TCP1: variants seen among roughly 807,000 people sequenced by gnomAD.
The protein encoded by TCP1 is T-complex protein 1 subunit alpha.
In TCP1, 6 loss-of-function variants were observed where a neutral mutation model predicts 54.7. The ratio of observed to expected loss-of-function variants is 0.11; its 90% CI spans 0.06 to 0.22. TCP1 has a LOEUF of 0.22. Ranked by LOEUF, TCP1 falls within the 10% of genes least tolerant of loss-of-function variation. The pLI is 1.00. For missense variants in TCP1, 511 were observed against 678.2 expected (o/e 0.75, Z 2.74); for synonymous variants, 225 against 229.7 (o/e 0.98, Z 0.19).
At position 159,788,091 on chromosome 6, in the gene TCP1, A is replaced by T; in HGVS notation, c.117T>A (p.Val39=). ...CATCCACCAACATTTTATCCAAGCC[A>T]ACTGGACCAAGAGAACTTTTTACAA... ...ANIVKSSLGP[V]GLDKMLVDDI... is the part of the protein sequence containing the mutation. The change falls in exon 2 of 12, where the codon GTT becomes GTA. Residue 39 remains valine, a synonymous_variant. Coordinates refer to ENST00000321394, the MANE Select transcript of TCP1 (RefSeq NM_030752.3). The T allele has an allele frequency of 6.2e-7, 1 of 1,614,182 alleles. No individual in the cohort carries two copies. Among genetic ancestry groups the T allele is most frequent in the South Asian group, 1.1e-5 (1 of 91,086 alleles).
At chr6:159,783,695 C>A (rs1309279416) in intron 7 of TCP1, among the ~76,000 whole-genome samples, 2 of 152,188 alleles carry the variant, frequency 1.3e-5, no homozygotes, top group Non-Finnish European at 2.9e-5. Context: ...CAATACTATA[C>A]TGCTGAGTTC....
chr6:159,780,750 C>A (rs1368483531), intron 8 of TCP1, among the ~76,000 whole-genome samples, 184 bp from the exon 9 acceptor site: 1 of 152,126 alleles, frequency 6.6e-6, no homozygotes, highest in Non-Finnish European at 1.5e-5. Context: ...ATTCAGTTCA[C>A]AAATTTCCAA....
rs1780533047 is a variant in TCP1, at chr6:159,779,988, C to A, written c.1197G>T (p.Val399=). The A allele has an allele frequency of 6.2e-7, 1 of 1,614,046 alleles. No individual in the cohort carries two copies. Reference sequence around the variant, plus strand: ...CAGATTTTGACTCCAAAACTCTCTTCACTACACAAAGTGCATCATGTAAAG... The same window carrying A: ...CAGATTTTGACTCCAAAACTCTCTTAACTACACAAAGTGCATCATGTAAAG... ...ERSLHDALCV[V]KRVLESKSVV... The change falls in exon 10 of 12, where the codon GTG becomes GTT. Residue 399 remains valine, a synonymous_variant. Coordinates refer to ENST00000321394, the MANE Select transcript of TCP1 (RefSeq NM_030752.3).
Position 159,778,590 on chromosome 6 carries a change from A to C in TCP1, c.*455T>G. On this transcript the variant is annotated 3_prime_UTR_variant, in exon 12 of 12. Transcript: ENST00000321394. The stretch of plus-strand genomic sequence containing the variant: ...GCATGCTGATACATTAAGAGGAAAA[A>C]GACAAGTTTAAGATTTTAAACTGTG... 6.5e-7 allele frequency: 1 copy of C among 1,535,622 alleles called. No individual in the cohort carries two copies. Among genetic ancestry groups the C allele is most frequent in the Non-Finnish European group, 8.9e-7 (1 of 1,124,450 alleles).
At chr6:159,787,672 A>T in intron 3 of TCP1, 71 bp downstream of exon 3, 1 of 1,567,214 alleles carries the variant, frequency 6.4e-7, no homozygotes, top group East Asian at 2.3e-5. Flanking sequence ...CAAATGACCC[A>T]CTTATGGCTT....
chr6:159,787,368 T>C (rs1780724456), intron 3 of TCP1, among the ~76,000 whole-genome samples: 1 of 152,120 alleles, frequency 6.6e-6, no homozygotes, highest in Non-Finnish European at 1.5e-5. Flanking sequence ...AAACAAGACT[T>C]TTGAGAGACC....
chr6:159,781,879 C>T (rs574253450), intron 7 of TCP1, among the ~76,000 whole-genome samples: 27 of 152,272 alleles, frequency 1.8e-4, no homozygotes, highest in African/African-American at 6.5e-4. Flanking sequence ...AATCTAGATA[C>T]TAAGCTTAAT....
At position 159,779,243 on chromosome 6, in the gene TCP1, G is replaced by A; in HGVS notation, c.1473C>T (p.Ser491=). 6.2e-7 allele frequency: 1 copy of A among 1,613,774 alleles called. No individual in the cohort carries two copies. The highest frequency in any genetic ancestry group is 8.5e-7 in the Non-Finnish European group (1 of 1,179,744). ...KNLKWIGLDL[S]NGKPRDNKQA... is the part of the protein sequence containing the mutation. Reference sequence around the variant, plus strand: ...GTTTGTTGTCTCGAGGTTTACCATTGCTCAAATCAAGACCAATCCTGCAAT... The same window carrying A: ...GTTTGTTGTCTCGAGGTTTACCATTACTCAAATCAAGACCAATCCTGCAAT... Residue 491 remains serine (S), a synonymous_variant, in exon 12 of 12, where the codon AGC becomes AGT. Transcript: ENST00000321394.
At chr6:159,784,195 T>C in intron 6 of TCP1, 128 bp from the exon 7 acceptor site, 1 of 1,201,326 alleles carries the variant, frequency 8.3e-7, no homozygotes, top group Non-Finnish European at 1.1e-6. Context: ...AGAAAAATTT[T>C]ATGGCATTAA....
chr6:159,784,954 TAAA>T (rs1780658117), intron 5 of TCP1, 107 bp from the exon 6 acceptor site: 2 of 1,131,032 alleles, frequency 1.8e-6, no homozygotes, highest in Non-Finnish European at 2.6e-6. Context: ...TCTAATCTAT[TAAA>T]GCAGCAAGCA....
At chr6:159,786,824 T>C (rs527262961) in intron 3 of TCP1, among the ~76,000 whole-genome samples, 4 of 152,356 alleles carry the variant, frequency 2.6e-5, no homozygotes, top group South Asian at 4.1e-4. Flanking sequence ...GCATGCTGGA[T>C]GATCTATGAA....
chr6:159,785,379 A>T lies in TCP1; in HGVS notation c.488+7T>A. The T allele has an allele frequency of 6.2e-7, 1 of 1,602,218 alleles. No homozygotes were observed. The highest frequency in any genetic ancestry group is 8.5e-7 in the Non-Finnish European group (1 of 1,171,030). ...GTCTAAATTTTATCTGACAACCACA[A>T]GGATACATTCCAATGATTTTGGAAG... On this transcript the variant is annotated splice_region_variant and intron_variant, in intron 5 of 11. Coordinates refer to ENST00000321394, the MANE Select transcript of TCP1 (RefSeq NM_030752.3).
Position 159,780,001 on chromosome 6 carries a change from G to C in TCP1, c.1184C>G (p.Ala395Gly). The C allele has an allele frequency of 6.2e-7, 1 of 1,614,050 alleles. No homozygotes were observed. Among genetic ancestry groups the C allele is most frequent in the Non-Finnish European group, 8.5e-7 (1 of 1,180,018 alleles). The change falls in exon 10 of 12, where the codon GCA becomes GGA. Residue 395 changes from alanine to glycine, a missense_variant. Transcript: ENST00000321394. Reference sequence around the variant, plus strand: ...CAAAACTCTCTTCACTACACAAAGTGCATCATGTAAAGAGCGCTCCATCTC... The same window carrying C: ...CAAAACTCTCTTCACTACACAAAGTCCATCATGTAAAGAGCGCTCCATCTC... ...CDEMERSLHD[A>G]LCVVKRVLES...
chr6:159,788,474 A>G, intron 1 of TCP1: 1 of 260,012 alleles, frequency 3.8e-6, no homozygotes, highest in South Asian at 4.4e-5. Context: ...TGCTTGGAGA[A>G]TGCAGTGAGC....
At chr6:159,779,505 G>A (rs1049594694) in intron 11 of TCP1, 122 bp downstream of exon 11, 4 of 1,360,926 alleles carry the variant, frequency 2.9e-6, no homozygotes, top group Admixed American at 4.8e-5. Flanking sequence ...TTGCTGTGAA[G>A]TTTTTCATGT....
Position 159,778,999 on chromosome 6 carries a change from C to G in TCP1, c.*46G>C. 1 of 1,589,984 alleles carries G rather than the reference C, an allele frequency of 6.3e-7. No individual in the cohort carries two copies. On this transcript the variant is annotated 3_prime_UTR_variant, in exon 12 of 12. Coordinates refer to ENST00000321394, the MANE Select transcript of TCP1 (RefSeq NM_030752.3). Reference sequence around the variant, plus strand: ...AATGTGTAATACTCAACTCAAGGTACAAGACAATTGCATTTAACATTGTTA... The same window carrying G: ...AATGTGTAATACTCAACTCAAGGTAGAAGACAATTGCATTTAACATTGTTA...
chr6:159,787,710 G>A (rs754737983), intron 3 of TCP1, 33 bp downstream of exon 3: 12 of 1,582,872 alleles, frequency 7.6e-6, no homozygotes, highest in Non-Finnish European at 1.0e-5. Context: ...GTCGTTTTTA[G>A]AAAAATGATC....
intron 8 of TCP1, 107 bp from the exon 9 acceptor site, chr6:159,780,673 T>C: frequency 2.1e-6 from 3 of 1,444,396 alleles, no homozygotes; most frequent in Non-Finnish European, 2.8e-6. Context: ...AAGTTTAGAA[T>C]TTAGTTAGGC....
chr6:159,785,866 CA>C (rs760866709), intron 4 of TCP1, 33 bp downstream of exon 4: 139 of 1,552,254 alleles, frequency 9.0e-5, no homozygotes, highest in African/African-American at 1.4e-4. Context: ...ACTATTACAT[CA>C]AAAAAAATTT....
Sources: gnomAD v4.1 joint callset for allele counts (sites outside exome capture counted in the v4.1 genomes callset) on GRCh38, gnomAD v4.1.1 for gene constraint, MANE v1.5 for transcripts, NCBI Gene and HGNC (gene_info 2026-07-23, HGNC 2026-07-21) for gene names.